The following ART3 variants were observed in gnomAD, a reference collection of about 807,000 sequenced individuals.
ART3 encodes ADP-ribosyltransferase 3 (inactive), also known as ecto-ADP-ribosyltransferase 3.
A neutral mutation model predicts 48.5 loss-of-function variants in ART3; 49 were observed. The observed-to-expected ratio is 1.01, with a 90% CI of 0.80 to 1.28. The LOEUF (loss-of-function observed/expected upper bound fraction) is 1.28. Among genes scored for constraint, ART3 ranks in the 50% most tolerant of loss-of-function variants. The pLI is 0.00. For missense variants in ART3, 438 were observed against 454.3 expected (o/e 0.96, Z 0.33); for synonymous variants, 145 against 157.2 (o/e 0.92, Z 0.58).
intron 1 of ART3, among the ~76,000 whole-genome samples, chr4:76,030,365 A>G (rs1433783613): frequency 7.9e-5 from 12 of 152,120 alleles, no homozygotes; most frequent in African/African-American, 1.9e-4. Context: ...CTCAGCTTCA[A>G]CTTTCACATC....
chr4:76,095,855 C>T (rs930584487), intron 3 of ART3, among the ~76,000 whole-genome samples: 1 of 152,184 alleles, frequency 6.6e-6, no homozygotes, highest in Admixed American at 6.5e-5. Context: ...ATTCCCCTCA[C>T]CTTCACCTTA....
At chr4:76,028,643 G>A (rs1733621860) in intron 1 of ART3, among the ~76,000 whole-genome samples, 2 of 152,246 alleles carry the variant, frequency 1.3e-5, no homozygotes, top group African/African-American at 2.4e-5. Flanking sequence ...GGAAAGTATG[G>A]GAGAGCAGGG....
chr4:76,051,488 C>T (rs955554015), intron 1 of ART3, among the ~76,000 whole-genome samples: 4 of 152,090 alleles, frequency 2.6e-5, no homozygotes, highest in South Asian at 4.1e-4. Flanking sequence ...ATCATTAAGA[C>T]GTTGAGGAAT....
intron 3 of ART3, among the ~76,000 whole-genome samples, chr4:76,086,795 G>T (rs1315245421): frequency 6.6e-6 from 1 of 152,186 alleles, no homozygotes; most frequent in Non-Finnish European, 1.5e-5. Context: ...AACCAAGCCA[G>T]CTGGGGCCAG....
At chr4:76,092,095 G>A (rs1725035279) in intron 3 of ART3, among the ~76,000 whole-genome samples, 1 of 152,094 alleles carries the variant, frequency 6.6e-6, no homozygotes, top group Admixed American at 6.5e-5. Flanking sequence ...GTGATTATAT[G>A]TTCTTTATGC....
rs925903880 is a variant in ART3, at chr4:76,022,588, A to G, written c.-10+11268A>G. The G allele has an allele frequency of 4.0e-6, 6 of 1,483,038 alleles. No homozygotes were observed. The African/African-American group carries it at 8.8e-5, about 22-fold the overall frequency. 91.9% of individuals were successfully genotyped at this position (1,483,038 alleles called of 1,614,324 possible). A position where few individuals can be genotyped will look rare whatever the true frequency, so the allele number is the denominator to read the frequency against. ...TTGTTTGCTGTACATTAGTTTTAGAATCATCACAAACCCTTTACTGATCTT... is the reference window on the plus strand; with the variant it reads ...TTGTTTGCTGTACATTAGTTTTAGAGTCATCACAAACCCTTTACTGATCTT... On this transcript the variant is annotated intron_variant, in intron 1 of 9. Transcript: ENST00000341029.
chr4:76,096,943 G>A lies in ART3; in HGVS notation c.782-701G>A, dbSNP rs573844240. ...AAGGATAGGAATTGTTGTAGTAGAG[G>A]GATAGGTTTGCTGTTGAGGACGTTT... On this transcript the variant is annotated intron_variant, in intron 3 of 11. Coordinates refer to ENST00000355810, the MANE Select transcript of ART3 (RefSeq NM_001130016.3). Among the ~76,000 whole-genome samples the A allele has an allele frequency of 5.3e-5, 8 of 152,304 alleles. No homozygotes were observed. In the South Asian group the frequency reaches 1.5e-3, roughly 28 times the overall value.
At chr4:76,099,946 C>T (rs554727785) in intron 5 of ART3, among the ~76,000 whole-genome samples, 1 of 152,314 alleles carries the variant, frequency 6.6e-6, no homozygotes, top group South Asian at 2.1e-4. Flanking sequence ...TGCTTAGCAG[C>T]CCTTCTTTTT....
chr4:76,077,892 G>A (rs963026789), intron 2 of ART3, among the ~76,000 whole-genome samples: 6 of 152,132 alleles, frequency 3.9e-5, no homozygotes, highest in Admixed American at 2.0e-4. Context: ...TATAGCCATC[G>A]TAGAGGATAT....
intron 3 of ART3, among the ~76,000 whole-genome samples, chr4:76,091,579 GGTT>G (rs1462715594): frequency 2.0e-5 from 3 of 151,910 alleles, no homozygotes; most frequent in African/African-American, 7.3e-5. Context: ...CTTTTAATGA[GGTT>G]GTTTTCTTAT....
intron 1 of ART3, among the ~76,000 whole-genome samples, chr4:76,013,760 A>T (rs963854363): frequency 6.6e-6 from 1 of 152,228 alleles, no homozygotes; most frequent in Non-Finnish European, 1.5e-5. Flanking sequence ...TTGGGCTATC[A>T]GTATGTAGAT....
chr4:76,013,913 A>G (rs780697773), intron 1 of ART3, among the ~76,000 whole-genome samples: 2 of 152,130 alleles, frequency 1.3e-5, no homozygotes, highest in African/African-American at 2.4e-5. Flanking sequence ...TGCATTTCCT[A>G]CCTTTTTAAG....
chr4:76,055,882 T>A (rs1296537538), intron 1 of ART3, among the ~76,000 whole-genome samples: 1 of 152,248 alleles, frequency 6.6e-6, no homozygotes, highest in Non-Finnish European at 1.5e-5. Flanking sequence ...AGCCAATGTT[T>A]ATTCCAGGGA....
intron 1 of ART3, among the ~76,000 whole-genome samples, chr4:76,042,896 G>A (rs1735109327): frequency 6.6e-6 from 1 of 151,916 alleles, no homozygotes; most frequent in Non-Finnish European, 1.5e-5. Context: ...CCCCACCCAC[G>A]TCCTGCTGAT....
chr4:76,035,017 T>C (rs1295229102), intron 1 of ART3: 1 of 1,573,216 alleles, frequency 6.4e-7, no homozygotes. Flanking sequence ...ATAAAACAGA[T>C]TATAACATGG....
At chr4:76,022,608 G>A in intron 1 of ART3, 3 of 1,448,358 alleles carry the variant, frequency 2.1e-6, no homozygotes, top group Non-Finnish European at 2.8e-6. Flanking sequence ...ACCCTTTACT[G>A]ATCTTTTTTT....
rs574657697 is a variant in ART3, at chr4:76,112,286, A to T, written c.1037-100A>T. 7.1e-6 allele frequency: 10 copies of T among 1,411,668 alleles called. No homozygotes were observed. In the African/African-American group the frequency reaches 1.5e-4, roughly 21 times the overall value. 87.4% of individuals were successfully genotyped at this position (1,411,668 alleles called of 1,614,324 possible). A position where few individuals can be genotyped will look rare whatever the true frequency, so the allele number is the denominator to read the frequency against. ...GTATTTCAGGTAAGTTTCTACTTCAACTTTAGTGTCATTGTTTACATATTC... is the reference window on the plus strand; with the variant it reads ...GTATTTCAGGTAAGTTTCTACTTCATCTTTAGTGTCATTGTTTACATATTC... On this transcript the variant is annotated intron_variant, in intron 11 of 11. Coordinates refer to ENST00000355810, the MANE Select transcript of ART3 (RefSeq NM_001130016.3).
At chr4:76,109,204 A>AT (rs1393229255) in intron 11 of ART3, among the ~76,000 whole-genome samples, 3 of 151,926 alleles carry the variant, frequency 2.0e-5, no homozygotes, top group African/African-American at 7.3e-5. Flanking sequence ...GTACAAAAAT[A>AT]TTTTTTCTTT....
At chr4:76,014,905 A>G (rs1183401713) in intron 1 of ART3, among the ~76,000 whole-genome samples, 2 of 152,240 alleles carry the variant, frequency 1.3e-5, no homozygotes, top group Admixed American at 6.5e-5. Context: ...CAACATGTTT[A>G]AAGTGCTGAA....
Sources: gnomAD v4.1 joint callset for allele counts (sites outside exome capture counted in the v4.1 genomes callset) on GRCh38, gnomAD v4.1.1 for gene constraint, MANE v1.5 for transcripts, NCBI Gene and HGNC (gene_info 2026-07-23, HGNC 2026-07-21) for gene names.